The following CARMIL1 variants were observed in gnomAD, a reference collection of about 807,000 sequenced individuals.
The protein encoded by CARMIL1 is capping protein regulator and myosin 1 linker 1, also known as F-actin-uncapping protein LRRC16A.
In CARMIL1, 90 loss-of-function variants were observed where a neutral mutation model predicts 177.1. That is an observed-to-expected ratio of 0.51 (90% CI 0.43 to 0.61). The LOEUF (loss-of-function observed/expected upper bound fraction) is 0.61, where lower values mean the gene tolerates loss of function less well. CARMIL1 is among the 20% of genes least tolerant of loss of function. The probability of loss-of-function intolerance (pLI) is 0.00; values close to 1 mark genes in which losing one functional copy is unlikely to be tolerated. For synonymous variants in CARMIL1, 577 were observed against 606.2 expected (o/e 0.95, Z 0.71); for missense variants, 1,380 against 1,667.0 (o/e 0.83, Z 3.00).
At chr6:25,313,683 G>GCATATATATATATA in intron 2 of CARMIL1, among the ~76,000 whole-genome samples, 64 of 133,616 alleles carry the variant, frequency 4.8e-4, no homozygotes, top group South Asian at 2.4e-3. Flanking sequence ...AGGGAAGGCT[G>GCATATATATATATA]TATATATACA....
At chr6:25,492,785 TA>T (rs1256751842) in intron 15 of CARMIL1, among the ~76,000 whole-genome samples, 20 of 152,316 alleles carry the variant, frequency 1.3e-4, no homozygotes, top group African/African-American at 4.8e-4. Context: ...AACCCTCACT[TA>T]TTTGGAAAAT....
At chr6:25,331,347 C>T (rs34570353) in intron 2 of CARMIL1, among the ~76,000 whole-genome samples, 11,386 of 152,278 alleles carry the variant, frequency 0.075, 467 homozygotes, top group Middle Eastern at 0.17. Context: ...CCATGATAGA[C>T]GCTCCACTGA....
intron 9 of CARMIL1, among the ~76,000 whole-genome samples, chr6:25,466,302 C>T (rs921270544): frequency 2.0e-5 from 3 of 152,198 alleles, no homozygotes; most frequent in Admixed American, 1.3e-4. Context: ...CACTCTGTCT[C>T]TACAAAGTTT....
rs114253133 is a variant in CARMIL1 at position 25,504,992 on chromosome 6, G to A, written c.1396-4664G>A. ...TGAGCCATCATCTGGGGAGTAAAAG[G>A]TTTGAGATGGAGGAGCTTTATTTGG... On this transcript the variant is annotated intron_variant, in intron 17 of 36. Coordinates refer to ENST00000329474, the MANE Select transcript of CARMIL1 (RefSeq NM_017640.6). 4.3e-3 allele frequency among the ~76,000 whole-genome samples: 660 copies of A among 152,292 alleles called. 4 individuals are homozygous for A. Among genetic ancestry groups the A allele is most frequent in the Non-Finnish European group, 6.1e-3 (417 of 68,022 alleles).
intron 5 of CARMIL1, among the ~76,000 whole-genome samples, chr6:25,439,159 G>A (rs1315620268): frequency 6.6e-6 from 1 of 151,408 alleles, no homozygotes; most frequent in Non-Finnish European, 1.5e-5. Context: ...AGAAGGCCTG[G>A]GGTAGGTGGG....
At chr6:25,339,549 A>G (rs1358420615) in intron 2 of CARMIL1, among the ~76,000 whole-genome samples, 1 of 152,200 alleles carries the variant, frequency 6.6e-6, no homozygotes, top group Admixed American at 6.5e-5. Context: ...TAGATATCTC[A>G]GATATTCTTC....
At chr6:25,316,562 T>C (rs1430636347) in intron 2 of CARMIL1, among the ~76,000 whole-genome samples, 1 of 151,990 alleles carries the variant, frequency 6.6e-6, no homozygotes, top group African/African-American at 2.4e-5. Context: ...CAGGCGCATG[T>C]CACTGCGCCT....
rs11356272 is a variant in CARMIL1, at chr6:25,477,623, A to AT, written c.875-4622dup. ...TCAATTTAATAGTTCATGACAAGCA[A>AT]TTTTTTTTTTTTAAAGCAGTGGAAT... On this transcript the variant is annotated intron_variant, in intron 11 of 36. Transcript: ENST00000329474. 9.9e-4 allele frequency among the ~76,000 whole-genome samples: 148 copies of AT among 148,960 alleles called. 1 individual carries two copies. Among genetic ancestry groups the AT allele is most frequent in the South Asian group, 7.2e-3 (34 of 4,730 alleles).
intron 17 of CARMIL1, among the ~76,000 whole-genome samples, chr6:25,502,024 G>C (rs1385577586): frequency 9.6e-6 from 1 of 104,350 alleles, no homozygotes; most frequent in Non-Finnish European, 2.1e-5. Context: ...CCAAACAATA[G>C]AACTCTAAAA....
At chr6:25,424,801 T>G (rs1796147493) in intron 3 of CARMIL1, among the ~76,000 whole-genome samples, 1 of 152,156 alleles carries the variant, frequency 6.6e-6, no homozygotes, top group Admixed American at 6.5e-5. Flanking sequence ...TCTGCTGTCA[T>G]ATTACTTTGC....
intron 2 of CARMIL1, among the ~76,000 whole-genome samples, chr6:25,338,551 CTTTTT>C (rs34070479): frequency 7.8e-5 from 11 of 141,422 alleles, no homozygotes; most frequent in Non-Finnish European, 1.7e-4. Flanking sequence ...GCTGGTCCTA[CTTTTT>C]TTTTTTTTTT....
At chr6:25,421,069 A>T (rs1244214840) in intron 3 of CARMIL1, among the ~76,000 whole-genome samples, 1 of 152,232 alleles carries the variant, frequency 6.6e-6, no homozygotes, top group African/African-American at 2.4e-5. Context: ...TATGTGGCAC[A>T]TGTGTGATTC....
intron 11 of CARMIL1, among the ~76,000 whole-genome samples, chr6:25,477,228 G>A (rs1325231442): frequency 6.6e-6 from 1 of 152,026 alleles, no homozygotes; most frequent in African/African-American, 2.4e-5. Context: ...TCCACTCAGG[G>A]ACTTATTTGG....
intron 2 of CARMIL1, among the ~76,000 whole-genome samples, chr6:25,289,332 A>G (rs1445083094): frequency 6.6e-6 from 1 of 152,150 alleles, no homozygotes; most frequent in African/African-American, 2.4e-5. Context: ...ATCTTCACCC[A>G]ATTTTTATAG....
chr6:25,391,491 A>G (rs1792812933), intron 2 of CARMIL1, among the ~76,000 whole-genome samples: 1 of 152,216 alleles, frequency 6.6e-6, no homozygotes, highest in South Asian at 2.1e-4. Context: ...ACAGTTGTCT[A>G]GATGGTATCG....
chr6:25,381,229 C>G (rs1205291382), intron 2 of CARMIL1, among the ~76,000 whole-genome samples: 1 of 152,166 alleles, frequency 6.6e-6, no homozygotes, highest in Non-Finnish European at 1.5e-5. Flanking sequence ...TTGAAATAGG[C>G]AGTTATAAAA....
chr6:25,450,852 C>T (rs1415367734), intron 8 of CARMIL1, 141 bp downstream of exon 8: 33 of 526,496 alleles, frequency 6.3e-5, no homozygotes, highest in Non-Finnish European at 1.0e-4. Flanking sequence ...CCCCTTCCCT[C>T]CCCTCCCTTC....
intron 17 of CARMIL1, among the ~76,000 whole-genome samples, chr6:25,507,692 A>G (rs1358724482): frequency 6.6e-6 from 1 of 152,210 alleles, no homozygotes; most frequent in Admixed American, 6.5e-5. Flanking sequence ...GAACATAGAA[A>G]TTTTCTAACA....
At position 25,606,361 on chromosome 6, in the gene CARMIL1, C is replaced by G. The variant is rs1448668073; in HGVS notation, c.3847+88C>G. The G allele has an allele frequency of 3.1e-6, 4 of 1,270,812 alleles. No homozygotes were observed. The African/African-American group carries it at 6.0e-5, about 19-fold the overall frequency. 78.7% of individuals were successfully genotyped at this position (1,270,812 alleles called of 1,614,324 possible). ...CAGACTCTGCAGGTGGTTTCAGGGG[C>G]AGCTGGTGAGCGAGGTACAGCGGCT... is the stretch of plus-strand genomic sequence containing the variant. On this transcript the variant is annotated intron_variant, in intron 35 of 36. Transcript: ENST00000329474.
Sources: allele counts gnomAD v4.1 joint callset (sites outside exome capture counted in the v4.1 genomes callset), GRCh38; gene constraint gnomAD v4.1.1; transcripts MANE v1.5; gene names NCBI Gene and HGNC (gene_info 2026-07-23, HGNC 2026-07-21).